Variants in ITPR2 observed in about 807,000 individuals in gnomAD.
The protein encoded by ITPR2 is inositol 1,4,5-trisphosphate receptor type 2, also known as inositol 1,4,5-trisphosphate-gated calcium channel ITPR2.
In ITPR2, 207 loss-of-function variants were observed where a neutral mutation model predicts 317.1. The observed-to-expected ratio is 0.65, with a 90% confidence interval of 0.58 to 0.73. The LOEUF (loss-of-function observed/expected upper bound fraction) is 0.73. ITPR2 is among the 30% of genes least tolerant of loss of function. ITPR2 has a pLI of 0.00. For missense variants in ITPR2, 2,613 were observed against 3,284.0 expected, an observed-to-expected ratio of 0.80 and a Z score of 4.99; for synonymous variants, 1,156 against 1,149.1, an observed-to-expected ratio of 1.01 and a Z score of -0.12.
intron 21 of ITPR2, among the ~76,000 whole-genome samples, chr12:26,641,056 C>A (rs546673466): frequency 3.0e-4 from 46 of 152,042 alleles, no homozygotes; most frequent in African/African-American, 1.1e-3. Context: ...AAGATCCTTA[C>A]GTTGGAATGT....
chr12:26,828,118 C>T (rs1404579069), intron 1 of ITPR2, among the ~76,000 whole-genome samples: 1 of 152,120 alleles, frequency 6.6e-6, no homozygotes, highest in African/African-American at 2.4e-5. Flanking sequence ...AAAGAATAAA[C>T]GATAGGAACA....
At chr12:26,493,494 C>T (rs1005869164) in intron 39 of ITPR2, among the ~76,000 whole-genome samples, 1 of 152,120 alleles carries the variant, frequency 6.6e-6, no homozygotes, top group Non-Finnish European at 1.5e-5. Flanking sequence ...TTCCTGTGTT[C>T]TAATCCTCAG....
At chr12:26,807,170 C>T (rs1950652778) in intron 1 of ITPR2, among the ~76,000 whole-genome samples, 1 of 151,774 alleles carries the variant, frequency 6.6e-6, no homozygotes, top group African/African-American at 2.4e-5. Context: ...GCCTGGGTAA[C>T]AGAGCAAGAC....
intron 1 of ITPR2, among the ~76,000 whole-genome samples, chr12:26,813,918 A>G (rs1279032742): frequency 6.6e-6 from 1 of 152,192 alleles, no homozygotes; most frequent in African/African-American, 2.4e-5. Flanking sequence ...ATTTGGCCAC[A>G]GTGTACATGT....
At chr12:26,392,901 T>G (rs1265877189) in intron 54 of ITPR2, among the ~76,000 whole-genome samples, 1 of 152,222 alleles carries the variant, frequency 6.6e-6, no homozygotes, top group Non-Finnish European at 1.5e-5. Context: ...TCTTTCTTAC[T>G]GGATCTTCAG....
chr12:26,609,162 AATC>A lies in ITPR2; in HGVS notation c.3463-6459_3463-6457del, dbSNP rs1946206250. ...TTTTACACTCACTTGTTCCCCAAGA[AATC>A]ATTACAGAAATGTTGTTGCCTGATC... On this transcript the variant is annotated intron_variant, in intron 26 of 56. Transcript: ENST00000381340. 5.3e-5 allele frequency among the ~76,000 whole-genome samples: 8 copies of A among 152,346 alleles called. No homozygotes were observed. In the South Asian group the frequency reaches 1.7e-3, roughly 32 times the overall value.
At chr12:26,496,742 G>A (rs1470093014) in intron 37 of ITPR2, among the ~76,000 whole-genome samples, 1 of 152,072 alleles carries the variant, frequency 6.6e-6, no homozygotes, top group Non-Finnish European at 1.5e-5. Flanking sequence ...AGGAGATAGA[G>A]ACTATCCTGG....
chr12:26,469,530 C>T (rs1942250562), intron 45 of ITPR2, among the ~76,000 whole-genome samples: 1 of 152,130 alleles, frequency 6.6e-6, no homozygotes, highest in African/African-American at 2.4e-5. Flanking sequence ...TCTCTAATAG[C>T]CTCTAGTAAC....
intron 37 of ITPR2, among the ~76,000 whole-genome samples, chr12:26,496,616 G>A (rs1398267864): frequency 1.3e-5 from 2 of 152,068 alleles, no homozygotes; most frequent in Non-Finnish European, 2.9e-5. Flanking sequence ...TTTCAGAACA[G>A]AATATTCCTT....
At chr12:26,525,421 T>C (rs1458945440) in intron 37 of ITPR2, among the ~76,000 whole-genome samples, 1 of 152,168 alleles carries the variant, frequency 6.6e-6, no homozygotes, top group Non-Finnish European at 1.5e-5. Flanking sequence ...CCTTTCCTAC[T>C]GGCATCTCTA....
chr12:26,601,336 A>G (rs949138377), intron 28 of ITPR2, among the ~76,000 whole-genome samples: 1 of 152,212 alleles, frequency 6.6e-6, no homozygotes, highest in Non-Finnish European at 1.5e-5. Context: ...CCCCAAAGCA[A>G]TAAGAACTGA....
intron 37 of ITPR2, among the ~76,000 whole-genome samples, chr12:26,544,605 G>GACAAACACACAGAGACAGACAGAC (rs1944345344): frequency 6.8e-6 from 1 of 146,378 alleles, no homozygotes; most frequent in African/African-American, 2.5e-5. Flanking sequence ...GAGACACACA[G>GACAAACACACAGAGACAGACAGAC]ACACACACAC....
At chr12:26,674,667 A>C (rs1008692027) in intron 13 of ITPR2, among the ~76,000 whole-genome samples, 3 of 152,374 alleles carry the variant, frequency 2.0e-5, no homozygotes, top group East Asian at 1.9e-4. Flanking sequence ...CACCAAAAGC[A>C]ATGGCAACAA....
At chr12:26,613,787 G>A (rs7310986) in intron 26 of ITPR2, among the ~76,000 whole-genome samples, 36,942 of 151,932 alleles carry the variant, frequency 0.24, 4,893 homozygotes, top group East Asian at 0.38. Context: ...ATTCTCTTGA[G>A]GCTCCCATAT....
At chr12:26,507,865 G>A (rs71452019) in intron 37 of ITPR2, among the ~76,000 whole-genome samples, 5 of 120,476 alleles carry the variant, frequency 4.2e-5, no homozygotes, top group Non-Finnish European at 6.9e-5. Context: ...CTCTGTCTCT[G>A]TGTGTGTGTG....
intron 2 of ITPR2, among the ~76,000 whole-genome samples, chr12:26,762,829 A>T (rs1247668379): frequency 6.6e-6 from 1 of 152,176 alleles, no homozygotes; most frequent in Non-Finnish European, 1.5e-5. Flanking sequence ...AAATTATTAT[A>T]AAAACAATTA....
intron 21 of ITPR2, among the ~76,000 whole-genome samples, chr12:26,646,032 G>A (rs1482413817): frequency 1.4e-5 from 2 of 142,542 alleles, no homozygotes; most frequent in Admixed American, 1.4e-4. Context: ...AGGGCTTCTG[G>A]TTTCAGGACA....
intron 1 of ITPR2, among the ~76,000 whole-genome samples, chr12:26,816,431 G>C (rs560956559): frequency 6.6e-6 from 1 of 152,178 alleles, no homozygotes; most frequent in Non-Finnish European, 1.5e-5. Flanking sequence ...CACACCATGA[G>C]AGAGTGGAGT....
At chr12:26,574,154 A>G (rs972077355) in intron 34 of ITPR2, among the ~76,000 whole-genome samples, 4 of 152,088 alleles carry the variant, frequency 2.6e-5, no homozygotes, top group African/African-American at 9.7e-5. Context: ...TTCAAGTAGC[A>G]CAGAAATCTG....
Sources: allele counts gnomAD v4.1 joint callset (sites outside exome capture counted in the v4.1 genomes callset), GRCh38; gene constraint gnomAD v4.1.1; transcripts MANE v1.5; gene names NCBI Gene and HGNC (gene_info 2026-07-23, HGNC 2026-07-21).